The following DDX20 variants were observed in gnomAD, a reference collection of about 807,000 sequenced individuals.
The protein encoded by DDX20 is DEAD-box helicase 20, also known as probable ATP-dependent RNA helicase DDX20.
A neutral mutation model predicts 76.4 loss-of-function variants in DDX20; 61 were observed. The observed-to-expected ratio is 0.80, with a 90% CI of 0.65 to 0.99. DDX20 has a LOEUF of 0.99. Ranked by LOEUF, DDX20 falls within the 50% of genes least tolerant of loss-of-function variation. DDX20 has a pLI of 0.00. For missense variants in DDX20, 976 were observed against 996.8 expected (o/e 0.98, Z 0.28); for synonymous variants, 357 against 357.4 (o/e 1.00, Z 0.01).
chr1:111,761,396 G>T (rs992572306), intron 7 of DDX20, 112 bp downstream of exon 7: 21 of 808,976 alleles, frequency 2.6e-5, no homozygotes, highest in African/African-American at 1.2e-4. Context: ...AAATTATCTT[G>T]TATCTTTTAG....
intron 1 of DDX20, 138 bp from the exon 2 acceptor site, chr1:111,756,508 C>T: frequency 1.4e-6 from 1 of 737,146 alleles, no homozygotes. Context: ...TGTTCTCATA[C>T]GTTTTTGAGA....
rs1186885007 is a variant in DDX20 at position 111,756,196 on chromosome 1, A to T, written c.272A>T (p.Lys91Met). 2.7e-6 allele frequency: 4 copies of T among 1,486,652 alleles called. No homozygotes were observed. The Admixed American group carries it at 8.5e-5, about 32-fold the overall frequency. 92.1% of individuals were successfully genotyped at this position (1,486,652 alleles called of 1,614,324 possible). Residue 91 changes from lysine (K) to methionine (M), a missense_variant, in exon 1 of 11, where the codon AAG (lysine) becomes ATG (methionine). Physicochemically the swap from Lys to Met is moderately conservative, Grantham distance 95 (BLOSUM62 -1). Transcript: ENST00000369702. ...GFERPSPVQL[K>M]AIPLGRCGLD... ...GAGAGGCCCTCGCCGGTGCAGCTCA[A>T]GGCCATCCCGTTGGGGCGCTGCGGG...
rs78248378 is a variant in DDX20 at position 111,762,784 on chromosome 1, T to TA, written c.1210+18dup. On this transcript the variant is annotated splice_region_variant and intron_variant, in intron 9 of 10. Transcript: ENST00000369702. ...GGATTGGGAGAGCTGGCCGTTTTGG[T>TA]AAAAAAAAAAAAAAAAGTTTGAGTG... 33,785 of 1,516,442 alleles carry TA rather than the reference T, an allele frequency of 0.022. 501 individuals are homozygous for TA. Among genetic ancestry groups the TA allele is most frequent in the African/African-American group, 0.15 (9,942 of 67,904 alleles). 93.9% of individuals were successfully genotyped at this position (1,516,442 alleles called of 1,614,324 possible). A position where few individuals can be genotyped will look rare whatever the true frequency, so the allele number is the denominator to read the frequency against.
In DDX20 at chr1:111,766,889, G is replaced by A. The variant is rs1441752621; in HGVS notation, c.2465G>A (p.Ser822Asn). The change falls in exon 11 of 11, where the codon AGT becomes AAT. Residue 822 changes from serine (S) to asparagine (N), a missense_variant. Around this residue, in one of 3 missense-constraint regions of DDX20, gnomAD observed 630 missense variants for 693.7 expected, o/e 0.91. Coordinates refer to ENST00000369702, the MANE Select transcript of DDX20 (RefSeq NM_007204.5). ...NTIYLQEMMH[S>N]NQ is the part of the protein sequence containing the mutation. ...ATTTATCTACAAGAAATGATGCATA[G>A]TAACCAGTGATTATAGGATATACCT... 1 of 1,608,086 alleles carries A rather than the reference G, an allele frequency of 6.2e-7. No homozygotes were observed. Among genetic ancestry groups the A allele is most frequent in the East Asian group, 2.2e-5 (1 of 44,852 alleles).
intron 10 of DDX20, among the ~76,000 whole-genome samples, chr1:111,764,310 G>A (rs528174732): frequency 1.3e-5 from 2 of 152,038 alleles, no homozygotes; most frequent in Non-Finnish European, 2.9e-5. Flanking sequence ...TACACATATA[G>A]TATATACATG....
At chr1:111,762,194 A>G in intron 7 of DDX20, 61 bp from the exon 8 acceptor site, 1 of 1,356,614 alleles carries the variant, frequency 7.4e-7, no homozygotes, top group Non-Finnish European at 1.0e-6. Context: ...CTTTTTGTGG[A>G]TTGGATAAAT....
At chr1:111,757,056 AGTTT>A (rs1179251670) in intron 2 of DDX20, among the ~76,000 whole-genome samples, 17 of 145,792 alleles carry the variant, frequency 1.2e-4, no homozygotes, top group Middle Eastern at 3.4e-3. Context: ...GTAACTGCAG[AGTTT>A]GTTTTTTTTT....
At position 111,762,237 on chromosome 1, in the gene DDX20, C is replaced by CT; in HGVS notation, c.1022-14dup. The CT allele has an allele frequency of 6.2e-7, 1 of 1,601,632 alleles. No individual in the cohort carries two copies. Among genetic ancestry groups the CT allele is most frequent in the Non-Finnish European group, 8.5e-7 (1 of 1,175,118 alleles). On this transcript the variant is annotated splice_polypyrimidine_tract_variant and intron_variant, in intron 7 of 10. Coordinates refer to ENST00000369702, the MANE Select transcript of DDX20 (RefSeq NM_007204.5). ...AGCTTAGTTGTTTTTATGTGACTTT[C>CT]TTTTGGGGTCCTTTTAGGCAATATG...
intron 10 of DDX20, 133 bp from the exon 11 acceptor site, chr1:111,765,604 T>G (rs1663762417): frequency 1.3e-6 from 1 of 756,684 alleles, no homozygotes; most frequent in Middle Eastern, 3.4e-4. Context: ...GTTATATCTA[T>G]TAAACATCTT....
intron 10 of DDX20, among the ~76,000 whole-genome samples, chr1:111,763,711 T>C (rs1359313660): frequency 6.6e-6 from 1 of 152,236 alleles, no homozygotes; most frequent in African/African-American, 2.4e-5. Context: ...ATTCTTGCCA[T>C]ATTCTCCTTT....
Position 111,766,022 on chromosome 1 carries a change from C to T in DDX20, c.1598C>T (p.Pro533Leu). ...ECGIIEKATS[P>L]KELGCDRQSE... The stretch of plus-strand genomic sequence containing the variant: ...GGAATCATAGAAAAAGCAACGTCAC[C>T]AAAAGAACTGGGCTGTGACAGGCAA... The change falls in exon 11 of 11, where the codon CCA becomes CTA. Residue 533 changes from proline to leucine, a missense_variant. Physicochemically the swap from Pro to Leu is moderately conservative, Grantham distance 98 (BLOSUM62 -3). This residue lies in a region of DDX20 where 630 missense variants were observed against 693.7 expected (regional missense o/e 0.91). Coordinates refer to ENST00000369702, the MANE Select transcript of DDX20 (RefSeq NM_007204.5). 1 of 1,614,080 alleles carries T rather than the reference C, an allele frequency of 6.2e-7. No homozygotes were observed. Among genetic ancestry groups the T allele is most frequent in the South Asian group, 1.1e-5 (1 of 91,076 alleles).
At position 111,766,381 on chromosome 1, in the gene DDX20, G is replaced by C. The variant is rs1331239183; in HGVS notation, c.1957G>C (p.Glu653Gln). The change falls in exon 11 of 11, where the codon GAG (glutamate) becomes CAG (glutamine). Residue 653 changes from glutamate (E) to glutamine (Q), a missense_variant. Transcript: ENST00000369702. ...AAGTAGTAGCCAATCTGGAGACTCT[G>C]AGAGTGACAGTGATTCTTACAGCTC... ...LASSSQSGDSESDSDSYSSRT... is the reference protein window; with the variant it reads ...LASSSQSGDSQSDSDSYSSRT... 5 of 1,614,172 alleles carry C rather than the reference G, an allele frequency of 3.1e-6. No individual in the cohort carries two copies. Among genetic ancestry groups the C allele is most frequent in the Non-Finnish European group, 4.2e-6 (5 of 1,180,024 alleles).
In DDX20 at chr1:111,766,333, G is replaced by A; in HGVS notation, c.1909G>A (p.Glu637Lys). Residue 637 changes from glutamate (E) to lysine (K), a missense_variant, in exon 11 of 11, where the codon GAA becomes AAA. Transcript: ENST00000369702. Reference sequence around the variant, plus strand: ...TGGTTTTGTGAGAAATAAAGTTATTGAACAGAGAGTCCCTGTGTTGGCAAG... The same window carrying A: ...TGGTTTTGTGAGAAATAAAGTTATTAAACAGAGAGTCCCTGTGTTGGCAAG... The part of the protein sequence containing the change: ...QNGFVRNKVI[E>K]QRVPVLASSS... 6.2e-7 allele frequency: 1 copy of A among 1,614,146 alleles called. No individual in the cohort carries two copies. The highest frequency in any genetic ancestry group is 1.1e-5 in the South Asian group (1 of 91,074).
Position 111,762,959 on chromosome 1 carries a change from A to T in DDX20, c.1264A>T (p.Met422Leu), listed in dbSNP as rs745720726. Reference protein sequence around the residue: ...YCCRGEEENMMMRIAQKCNIN... With the variant: ...YCCRGEEENMLMRIAQKCNIN... ...TTGCCGGGGAGAGGAAGAAAATATG[A>T]TGATGAGAATTGCCCAGAAATGTAA... Residue 422 changes from methionine to leucine, a missense_variant, in exon 10 of 11, where the codon ATG (methionine) becomes TTG (leucine). Transcript: ENST00000369702. 9.9e-6 allele frequency: 16 copies of T among 1,613,172 alleles called. No homozygotes were observed. Among genetic ancestry groups the T allele is most frequent in the African/African-American group, 4.0e-5 (3 of 74,832 alleles).
chr1:111,759,376 G>T (rs1187749437), intron 2 of DDX20, 24 bp from the exon 3 acceptor site: 1 of 1,578,696 alleles, frequency 6.3e-7, no homozygotes, highest in Non-Finnish European at 8.6e-7. Flanking sequence ...TGACTCAAAG[G>T]TGTAATTTAT....
In DDX20 at chr1:111,766,821, TC is replaced by T; in HGVS notation, c.2398del (p.Gln800ArgfsTer12). 1 of 1,614,110 alleles carries T rather than the reference TC, an allele frequency of 6.2e-7. No individual in the cohort carries two copies. Among genetic ancestry groups the T allele is most frequent in the Non-Finnish European group, 8.5e-7 (1 of 1,179,950 alleles). On this transcript the variant is annotated frameshift_variant, in exon 11 of 11. Transcript: ENST00000369702. LOFTEE classifies it high-confidence loss of function. ...AASHSYYWNA[Q>X]RHPSWMAAYH... ...CTTCTCATTCATATTATTGGAATGC[TC>T]AGAGACATCCAAGTTGGATGGCAGC...
chr1:111,758,014 C>G (rs1663595724), intron 2 of DDX20, among the ~76,000 whole-genome samples: 1 of 147,300 alleles, frequency 6.8e-6, no homozygotes, highest in African/African-American at 2.7e-5. Context: ...ACACCACACG[C>G]CCGGCTAATT....
chr1:111,763,020 T>A lies in DDX20; in HGVS notation c.1312+13T>A. ...CTCCCTTTACCAGGTACATTTCATC[T>A]GTTTCATTATTTCAAAATAATTATA... On this transcript the variant is annotated intron_variant, in intron 10 of 10. Coordinates refer to ENST00000369702, the MANE Select transcript of DDX20 (RefSeq NM_007204.5). The A allele has an allele frequency of 6.4e-7, 1 of 1,572,314 alleles. No individual in the cohort carries two copies. The highest frequency in any genetic ancestry group is 8.7e-7 in the Non-Finnish European group (1 of 1,143,324).
chr1:111,762,161 A>T, intron 7 of DDX20, 94 bp from the exon 8 acceptor site: 4 of 911,866 alleles, frequency 4.4e-6, no homozygotes, highest in Non-Finnish European at 6.9e-6. Flanking sequence ...TAAAAGTGTT[A>T]AGACTGGGTG....
Sources: gnomAD v4.1 joint callset for allele counts (sites outside exome capture counted in the v4.1 genomes callset) on GRCh38, gnomAD v4.1.1 for gene constraint, gnomAD v4.1.1 regional missense constraint, MANE v1.5 for transcripts, NCBI Gene and HGNC (gene_info 2026-07-23, HGNC 2026-07-21) for gene names.